GAS2: variants seen among roughly 807,000 people sequenced by gnomAD.
GAS2 encodes growth arrest specific 2.
In GAS2, 20 loss-of-function variants were observed where a neutral mutation model predicts 37.5. That is an observed-to-expected ratio of 0.53 (90% CI 0.37 to 0.77). The LOEUF (loss-of-function observed/expected upper bound fraction) is 0.77, where lower values mean the gene tolerates loss of function less well. GAS2 is among the 30% of genes least tolerant of loss of function. The pLI is 0.00. For missense variants in GAS2, 336 were observed against 373.4 expected (o/e 0.90, Z 0.82); for synonymous variants, 144 against 132.2 (o/e 1.09, Z -0.61).
chr11:22,745,118 C>CAAA (rs142582542), intron 5 of GAS2, among the ~76,000 whole-genome samples: 86,182 of 128,372 alleles, frequency 0.67, 29,291 homozygotes, highest in Middle Eastern at 0.84. Context: ...CATTTGGAAC[C>CAAA]AAAAAAAAAA....
chr11:22,812,848 A>C lies in GAS2; in HGVS notation c.*832A>C, dbSNP rs559106893. 1.3e-5 allele frequency: 2 copies of C among 152,696 alleles called. No individual in the cohort carries two copies. The highest frequency in any genetic ancestry group is 4.1e-4 in the South Asian group (2 of 4,832). The allele number at this position is 152,696 out of a possible 1,614,324, so 9.5% of individuals were successfully genotyped here. A position where few individuals can be genotyped will look rare whatever the true frequency, so the allele number is the denominator to read the frequency against. On this transcript the variant is annotated 3_prime_UTR_variant, in exon 8 of 8. Coordinates refer to ENST00000454584, the MANE Select transcript of GAS2 (RefSeq NM_001143830.3). ...TATCTTTAGTTAATCCTATTTTGCT[A>C]TGCTTTCTAGTAAAGTAAATTCACT...
chr11:22,756,431 G>A (rs1372699013), intron 7 of GAS2, among the ~76,000 whole-genome samples: 1 of 152,048 alleles, frequency 6.6e-6, no homozygotes, highest in African/African-American at 2.4e-5. Flanking sequence ...TTTTAAAAAA[G>A]CTATATTCTT....
intron 1 of GAS2, among the ~76,000 whole-genome samples, chr11:22,651,681 G>A (rs907834615): frequency 3.3e-5 from 5 of 151,654 alleles, no homozygotes; most frequent in Admixed American, 1.3e-4. Flanking sequence ...ATCTTACATC[G>A]CTGATACCCT....
intron 1 of GAS2, among the ~76,000 whole-genome samples, chr11:22,635,527 A>G (rs982386092): frequency 6.6e-6 from 1 of 152,182 alleles, no homozygotes; most frequent in Non-Finnish European, 1.5e-5. Context: ...CCAGGCCATA[A>G]GCCTTCCCTA....
chr11:22,766,174 A>G lies in GAS2; in HGVS notation c.723+10221A>G, dbSNP rs575672369. On this transcript the variant is annotated intron_variant, in intron 7 of 7. Coordinates refer to ENST00000454584, the MANE Select transcript of GAS2 (RefSeq NM_001143830.3). Reference sequence around the variant, plus strand: ...GGTAGGAGACAAATATCTAAACTGTATCATATACTATTTAATACTCACCAA... The same window carrying G: ...GGTAGGAGACAAATATCTAAACTGTGTCATATACTATTTAATACTCACCAA... 4.6e-5 allele frequency among the ~76,000 whole-genome samples: 7 copies of G among 152,132 alleles called. No homozygotes were observed. In the South Asian group the frequency reaches 6.2e-4, roughly 14 times the overall value.
intron 7 of GAS2, among the ~76,000 whole-genome samples, chr11:22,756,268 C>T (rs1854035983): frequency 6.6e-6 from 1 of 151,658 alleles, no homozygotes. Context: ...AAGTTTGTGG[C>T]TTTTACTAAG....
At chr11:22,637,803 G>A (rs1858857298) in intron 1 of GAS2, among the ~76,000 whole-genome samples, 1 of 145,456 alleles carries the variant, frequency 6.9e-6, no homozygotes, top group South Asian at 2.1e-4. Context: ...ATATATTTAT[G>A]TATAAATTGT....
intron 7 of GAS2, among the ~76,000 whole-genome samples, chr11:22,773,783 A>G (rs1467972129): frequency 5.3e-5 from 8 of 151,970 alleles, no homozygotes; most frequent in South Asian, 2.1e-4. Context: ...CTTGATCATC[A>G]TTTCAACATG....
chr11:22,748,982 T>G lies in GAS2; in HGVS notation c.474-138T>G, dbSNP rs554151617. The G allele has an allele frequency of 5.8e-6, 5 of 867,856 alleles. No homozygotes were observed. The Admixed American group carries it at 1.5e-4, about 26-fold the overall frequency. 53.8% of individuals were successfully genotyped at this position (867,856 alleles called of 1,614,324 possible). ...AGGATGCTAATTCAAGAGCTTACAA[T>G]TTCAATGCCAGAAAAAAAGTGAATG... is the stretch of plus-strand genomic sequence containing the variant. On this transcript the variant is annotated intron_variant, in intron 5 of 7. Coordinates refer to ENST00000454584, the MANE Select transcript of GAS2 (RefSeq NM_001143830.3).
At chr11:22,799,865 G>A (rs905851587) in intron 7 of GAS2, among the ~76,000 whole-genome samples, 8 of 152,128 alleles carry the variant, frequency 5.3e-5, no homozygotes, top group Middle Eastern at 3.4e-3. Context: ...TAGGCACCCA[G>A]GGTATGAAAT....
chr11:22,780,787 A>C (rs1473278536), intron 7 of GAS2, among the ~76,000 whole-genome samples: 1 of 152,054 alleles, frequency 6.6e-6, no homozygotes. Flanking sequence ...TCTGTGTCTC[A>C]GGCAAAAAAA....
At chr11:22,764,291 C>A (rs993574890) in intron 7 of GAS2, among the ~76,000 whole-genome samples, 1 of 152,098 alleles carries the variant, frequency 6.6e-6, no homozygotes, top group African/African-American at 2.4e-5. Flanking sequence ...CCGGGCACGG[C>A]GGATCATGCC....
At chr11:22,759,094 A>G (rs150924968) in intron 7 of GAS2, among the ~76,000 whole-genome samples, 3 of 152,264 alleles carry the variant, frequency 2.0e-5, no homozygotes, top group Non-Finnish European at 4.4e-5. Context: ...TTATGTATGT[A>G]TATGAACATA....
upstream of GAS2, among the ~76,000 whole-genome samples, chr11:22,663,178 G>A (rs10833797): frequency 0.46 from 70,609 of 151,894 alleles, 19,201 homozygotes; most frequent in South Asian, 0.66. Flanking sequence ...CATGAGAACA[G>A]CATGCGGGAA....
intron 1 of GAS2, among the ~76,000 whole-genome samples, chr11:22,649,194 G>T (rs1848741078): frequency 6.6e-6 from 1 of 151,502 alleles, no homozygotes; most frequent in Non-Finnish European, 1.5e-5. Context: ...TTTGTCTTTG[G>T]CTCTGTTTAT....
At chr11:22,664,943 C>T (rs1056646040), upstream of GAS2, among the ~76,000 whole-genome samples, 3 of 151,856 alleles carry the variant, frequency 2.0e-5, no homozygotes, top group Non-Finnish European at 4.4e-5. Context: ...TATTTCTTCT[C>T]GTATTTTTCT....
At chr11:22,626,567 A>G (rs1407979242) in intron 1 of GAS2, 1 of 152,728 alleles carries the variant, frequency 6.5e-6, no homozygotes, top group Non-Finnish European at 1.5e-5. Context: ...AAACCGTGAC[A>G]AGAGAGTAGG....
chr11:22,637,977 A>G (rs962351636), intron 1 of GAS2, among the ~76,000 whole-genome samples: 2 of 151,762 alleles, frequency 1.3e-5, no homozygotes, highest in African/African-American at 4.8e-5. Context: ...TTCTTTTTCC[A>G]GTTTCAGTTT....
chr11:22,691,121 G>C (rs922179003), intron 3 of GAS2, among the ~76,000 whole-genome samples: 6 of 152,000 alleles, frequency 3.9e-5, no homozygotes, highest in Non-Finnish European at 8.8e-5. Context: ...AGGAGGGGGC[G>C]GGGGGAAAAG....
Sources: allele counts gnomAD v4.1 joint callset (sites outside exome capture counted in the v4.1 genomes callset), GRCh38; gene constraint gnomAD v4.1.1; transcripts MANE v1.5; gene names NCBI Gene and HGNC (gene_info 2026-07-23, HGNC 2026-07-21).